CCDC170: variants seen among roughly 807,000 people sequenced by gnomAD.
CCDC170 encodes coiled-coil domain-containing protein 170.
In CCDC170, 69 loss-of-function variants were observed where a neutral mutation model predicts 72.6. That is an observed-to-expected ratio of 0.95 (90% confidence interval 0.78 to 1.16). The LOEUF (loss-of-function observed/expected upper bound fraction) is 1.16, where lower values mean the gene tolerates loss of function less well. CCDC170 is among the 50% of genes most tolerant of loss of function. CCDC170 has a pLI of 0.00. For missense variants in CCDC170, 852 were observed against 832.5 expected, an observed-to-expected ratio of 1.02 and a Z score of -0.29; for synonymous variants, 300 against 303.9, an observed-to-expected ratio of 0.99 and a Z score of 0.13.
chr6:151,508,668 A>G (rs1417014505), intron 1 of CCDC170, among the ~76,000 whole-genome samples: 2 of 152,124 alleles, frequency 1.3e-5, no homozygotes, highest in Admixed American at 1.3e-4. Context: ...AGCTGAGATC[A>G]CACCACTGCA....
chr6:151,599,035 A>C (rs1272095942), intron 9 of CCDC170, among the ~76,000 whole-genome samples: 1 of 152,202 alleles, frequency 6.6e-6, no homozygotes, highest in Non-Finnish European at 1.5e-5. Flanking sequence ...TAGAAAAGAA[A>C]AGTTAAAGAA....
rs117717512 is a variant in CCDC170 at position 151,605,527 on chromosome 6, C to T, written c.1710+8950C>T. Among the ~76,000 whole-genome samples, 104 of 152,314 alleles carry T rather than the reference C, an allele frequency of 6.8e-4. 1 individual carries two copies. In the East Asian group the frequency reaches 0.02, roughly 29 times the overall value. ...CTGTCCTCTGATATATTTTTCCCTT[C>T]AGGCACTCAAAGTAGCTGCTTTCTG... On this transcript the variant is annotated intron_variant, in intron 9 of 10. Coordinates refer to ENST00000239374, the MANE Select transcript of CCDC170 (RefSeq NM_025059.4).
intron 8 of CCDC170, among the ~76,000 whole-genome samples, chr6:151,594,970 A>G (rs1193561982): frequency 6.6e-6 from 1 of 152,210 alleles, no homozygotes; most frequent in Non-Finnish European, 1.5e-5. Context: ...ATTTGACATG[A>G]AGAAGCTTAA....
intron 1 of CCDC170, among the ~76,000 whole-genome samples, chr6:151,530,033 C>T (rs1782472586): frequency 6.6e-6 from 1 of 152,134 alleles, no homozygotes; most frequent in Non-Finnish European, 1.5e-5. Flanking sequence ...ATTAATGTAT[C>T]AGGACCTAAT....
chr6:151,514,310 G>C (rs1782196700), intron 1 of CCDC170, among the ~76,000 whole-genome samples: 1 of 124,882 alleles, frequency 8.0e-6, no homozygotes. Flanking sequence ...AGAAAGAAAC[G>C]AAAGAAAATG....
intron 5 of CCDC170, among the ~76,000 whole-genome samples, chr6:151,553,672 T>C (rs116351431): frequency 0.011 from 1,633 of 152,248 alleles, 28 homozygotes; most frequent in African/African-American, 0.037. Flanking sequence ...GCAATGTTGT[T>C]CAGACTTTGG....
At chr6:151,614,459 A>T (rs1043441349) in intron 9 of CCDC170, among the ~76,000 whole-genome samples, 22 of 148,852 alleles carry the variant, frequency 1.5e-4, no homozygotes, top group Non-Finnish European at 3.1e-4. Context: ...AATTTCATTC[A>T]TTTTTTTTTT....
At chr6:151,557,435 C>T (rs1167647671) in intron 5 of CCDC170, among the ~76,000 whole-genome samples, 1 of 151,746 alleles carries the variant, frequency 6.6e-6, no homozygotes, top group Admixed American at 6.6e-5. Context: ...ATCCATTCAT[C>T]CGTTGGTGGA....
chr6:151,528,850 T>C (rs1264112944), intron 1 of CCDC170, among the ~76,000 whole-genome samples: 1 of 151,484 alleles, frequency 6.6e-6, no homozygotes, highest in Non-Finnish European at 1.5e-5. Flanking sequence ...AATATATATA[T>C]ATGTATATAT....
In CCDC170 at chr6:151,576,004, C is replaced by T. The variant is rs1021255816; in HGVS notation, c.1092+2513C>T. The stretch of plus-strand genomic sequence containing the variant: ...GGTTTGGAAATAAGCTTCATTAAGT[C>T]ATTTCCTTAAATGGTAACAGATATG... On this transcript the variant is annotated intron_variant, in intron 6 of 10. Coordinates refer to ENST00000239374, the MANE Select transcript of CCDC170 (RefSeq NM_025059.4). 2.6e-5 allele frequency among the ~76,000 whole-genome samples: 4 copies of T among 152,130 alleles called. No individual in the cohort carries two copies. In the East Asian group the frequency reaches 7.7e-4, roughly 29 times the overall value.
Position 151,586,042 on chromosome 6 carries a change from G to C in CCDC170, c.1246G>C (p.Val416Leu), listed in dbSNP as rs771029596. The C allele has an allele frequency of 1.2e-6, 2 of 1,614,172 alleles. No homozygotes were observed. Among genetic ancestry groups the C allele is most frequent in the Non-Finnish European group, 1.7e-6 (2 of 1,180,006 alleles). ...GCTGACACACCTGGAGGCAGAGCTGGTTTCTGGAGGTGTTTTGCGAGACAA... is the reference window on the plus strand; with the variant it reads ...GCTGACACACCTGGAGGCAGAGCTGCTTTCTGGAGGTGTTTTGCGAGACAA... ...GQLTHLEAEL[V>L]SGGVLRDNLN... The change falls in exon 7 of 11, where the codon GTT (valine) becomes CTT (leucine). Residue 416 changes from valine (V) to leucine (L), a missense_variant. Transcript: ENST00000239374.
chr6:151,551,092 A>T (rs1001366402), intron 5 of CCDC170, among the ~76,000 whole-genome samples: 6 of 152,216 alleles, frequency 3.9e-5, no homozygotes, highest in South Asian at 2.1e-4. Flanking sequence ...ATATAGAAAG[A>T]GTGAAGGAAT....
In CCDC170 at chr6:151,602,870, G is replaced by T. The variant is rs1448295017; in HGVS notation, c.1710+6293G>T. ...GGTTGGAGTGCAATGGCACAATCTC[G>T]GCTCACTGCAACCTCCACCTCCCAG... is the stretch of plus-strand genomic sequence containing the variant. On this transcript the variant is annotated intron_variant, in intron 9 of 10. Coordinates refer to ENST00000239374, the MANE Select transcript of CCDC170 (RefSeq NM_025059.4). Among the ~76,000 whole-genome samples the T allele has an allele frequency of 6.7e-5, 10 of 149,850 alleles. No homozygotes were observed. The East Asian group carries it at 2.0e-3, about 29-fold the overall frequency.
chr6:151,515,337 C>A (rs1782219222), intron 1 of CCDC170, among the ~76,000 whole-genome samples: 1 of 152,210 alleles, frequency 6.6e-6, no homozygotes, highest in South Asian at 2.1e-4. Context: ...GACTGAAGTG[C>A]AATGGTGTGA....
At chr6:151,601,615 T>C (rs1422630308) in intron 9 of CCDC170, among the ~76,000 whole-genome samples, 18 of 152,102 alleles carry the variant, frequency 1.2e-4, no homozygotes, top group Admixed American at 1.2e-3. Flanking sequence ...TCTCTATCTA[T>C]ATAGAGAGAT....
At position 151,596,429 on chromosome 6, in the gene CCDC170, G is replaced by A. The variant is rs756499565; in HGVS notation, c.1562G>A (p.Arg521His). 33 of 1,613,952 alleles carry A rather than the reference G, an allele frequency of 2.0e-5. No homozygotes were observed. In the East Asian group the frequency reaches 4.0e-4, roughly 20 times the overall value. Residue 521 changes from arginine (R) to histidine (H), a missense_variant, in exon 9 of 11, where the codon CGC (arginine) becomes CAC (histidine). By Grantham distance (29) the Arg-to-His change is conservative. Coordinates refer to ENST00000239374, the MANE Select transcript of CCDC170 (RefSeq NM_025059.4). ...CAGCTGGAGGAGGAGAAGCAGGCAC[G>A]CACGGCCTTGGTGGTTGAGAGGGAC... ...IAQLEEEKQA[R>H]TALVVERDNA...
In CCDC170 at chr6:151,536,365, A is replaced by T; in HGVS notation, c.105A>T (p.Leu35Phe). 1 of 1,614,210 alleles carries T rather than the reference A, an allele frequency of 6.2e-7. No individual in the cohort carries two copies. Among genetic ancestry groups the T allele is most frequent in the Non-Finnish European group, 8.5e-7 (1 of 1,180,022 alleles). The change falls in exon 2 of 11, where the codon TTA (leucine) becomes TTT (phenylalanine). Residue 35 changes from leucine (L) to phenylalanine (F), a missense_variant. Leu to Phe is a conservative substitution (Grantham distance 22, BLOSUM62 0). Transcript: ENST00000239374. ...LSEVPVTREQ[L>F]NHYRNVAQNA... ...AAGTCCCGGTCACGCGGGAGCAGTT[A>T]AACCACTATCGGAATGTGGCTCAAA...
chr6:151,604,694 G>A (rs929373806), intron 9 of CCDC170, among the ~76,000 whole-genome samples: 3 of 152,156 alleles, frequency 2.0e-5, no homozygotes, highest in Admixed American at 6.5e-5. Context: ...AGCCCAGACT[G>A]CAAATCTGAA....
At chr6:151,551,289 T>A (rs1195919112) in intron 5 of CCDC170, among the ~76,000 whole-genome samples, 1 of 152,198 alleles carries the variant, frequency 6.6e-6, no homozygotes, top group Non-Finnish European at 1.5e-5. Flanking sequence ...TCTAACTATG[T>A]CAGCATATTT....
Sources: allele counts gnomAD v4.1 joint callset (sites outside exome capture counted in the v4.1 genomes callset), GRCh38; gene constraint gnomAD v4.1.1; transcripts MANE v1.5; gene names NCBI Gene and HGNC (gene_info 2026-07-23, HGNC 2026-07-21).